The following KRABD3 variants were observed in gnomAD, a reference collection of about 807,000 sequenced individuals.
KRABD3 encodes KRAB domain containing 3.
chr7:149,722,797 A>G, the KRABD3 span: 1 of 1,606,578 alleles, frequency 6.2e-7, no homozygotes, highest in Non-Finnish European at 8.5e-7. Flanking sequence ...TTCTCCTGGG[A>G]ACAGCCCCTT....
At chr7:149,715,160 C>G in the KRABD3 span, 1 of 1,228,346 alleles carries the variant, frequency 8.1e-7, no homozygotes, top group Non-Finnish European at 1.0e-6. Context: ...ACTTCGGGAT[C>G]GGCTGGGTGA....
the KRABD3 span, chr7:149,733,414 G>A: frequency 1.2e-4 from 192 of 1,602,092 alleles, no homozygotes; most frequent in Middle Eastern, 1.6e-4. Flanking sequence ...TCGCCACAGC[G>A]CTGGCAGGCC....
the KRABD3 span, among the ~76,000 whole-genome samples, chr7:149,732,334 A>T: frequency 1.8e-4 from 28 of 152,174 alleles, no homozygotes; most frequent in Non-Finnish European, 3.5e-4. This position sits in a 1 kb window ranked among gnomAD's most constrained non-coding sequence, Gnocchi z 4.0. Context: ...TGGGGTCTCC[A>T]GGCCGAGATC....
At chr7:149,733,959 C>A in the KRABD3 span, 7 of 1,603,654 alleles carry the variant, frequency 4.4e-6, no homozygotes, top group Non-Finnish European at 6.0e-6. Flanking sequence ...CCCAAGGAGC[C>A]GAGCAGCCTG....
chr7:149,720,473 G>A, the KRABD3 span, among the ~76,000 whole-genome samples: 95 of 152,344 alleles, frequency 6.2e-4, no homozygotes, highest in African/African-American at 1.6e-3. Flanking sequence ...GTGCTCCACC[G>A]GCCCAGACTG....
the KRABD3 span, chr7:149,715,254 A>G: frequency 7.8e-5 from 95 of 1,218,648 alleles, no homozygotes; most frequent in Non-Finnish European, 9.3e-5. Context: ...CGCCGCCGGT[A>G]CCCACGGCCC....
At chr7:149,730,304 G>T in the KRABD3 span, 2 of 1,549,354 alleles carry the variant, frequency 1.3e-6, no homozygotes, top group African/African-American at 2.7e-5. Flanking sequence ...GAGAAGACCC[G>T]AGGCCAGAGC....
the KRABD3 span, chr7:149,734,161 T>C: frequency 7.3e-7 from 1 of 1,371,350 alleles, no homozygotes; most frequent in Non-Finnish European, 9.8e-7. Context: ...TCTCCCTTAC[T>C]GTTGCTGGGA....
At chr7:149,730,271 C>T in the KRABD3 span, 9 of 1,553,516 alleles carry the variant, frequency 5.8e-6, no homozygotes, top group Non-Finnish European at 7.8e-6. Flanking sequence ...CCGGCTCCAG[C>T]TCGAGCTTCA....
At chr7:149,726,144 C>G in the KRABD3 span, 1 of 1,260,988 alleles carries the variant, frequency 7.9e-7, no homozygotes, top group Non-Finnish European at 1.1e-6. Flanking sequence ...TTGACTGGGT[C>G]AGACCCCCAT....
chr7:149,721,237 A>C, the KRABD3 span: 1 of 1,126,540 alleles, frequency 8.9e-7, no homozygotes, highest in African/African-American at 1.6e-5. Context: ...CCATGGCCCC[A>C]TTCAGAGCCC....
At chr7:149,728,909 C>T in the KRABD3 span, among the ~76,000 whole-genome samples, 1 of 152,236 alleles carries the variant, frequency 6.6e-6, no homozygotes, top group Non-Finnish European at 1.5e-5. Context: ...GAGCTGGCTC[C>T]TTGTGGCTGG....
At chr7:149,715,181 G>A in the KRABD3 span, 3 of 1,224,872 alleles carry the variant, frequency 2.4e-6, no homozygotes, top group Non-Finnish European at 3.1e-6. Flanking sequence ...GGCTGGGCAG[G>A]CCTGATGCTC....
the KRABD3 span, chr7:149,722,903 G>A: frequency 6.2e-7 from 1 of 1,613,254 alleles, no homozygotes; most frequent in African/African-American, 1.3e-5. Context: ...CCTAGCCTGG[G>A]CACGTCCAGG....
At chr7:149,721,671 C>T in the KRABD3 span, 28 of 987,210 alleles carry the variant, frequency 2.8e-5, no homozygotes, top group Non-Finnish European at 3.9e-5. Flanking sequence ...CTTTTGTTAA[C>T]AAAGTACGCC....
At chr7:149,731,694 G>A in the KRABD3 span, 49 of 1,611,224 alleles carry the variant, frequency 3.0e-5, no homozygotes, top group East Asian at 4.5e-4. Flanking sequence ...ATCCCTGCCC[G>A]GTTTCTCAGC....
the KRABD3 span, chr7:149,724,836 C>T: frequency 6.3e-7 from 1 of 1,583,980 alleles, no homozygotes; most frequent in Non-Finnish European, 8.6e-7. Flanking sequence ...CCAGCTGGGG[C>T]CCTGAGGCTC....
the KRABD3 span, among the ~76,000 whole-genome samples, chr7:149,718,800 C>T: frequency 1.3e-5 from 2 of 152,068 alleles, no homozygotes; most frequent in Non-Finnish European, 2.9e-5. Flanking sequence ...CAGGCGTGAG[C>T]CACCACACCC....
chr7:149,721,482 C>G, the KRABD3 span: 15 of 1,613,030 alleles, frequency 9.3e-6, no homozygotes, highest in Non-Finnish European at 1.3e-5. Context: ...ACCGACAGCT[C>G]GTGTTCCAGT....
Sources: gnomAD v4.1 joint callset for allele counts (sites outside exome capture counted in the v4.1 genomes callset) on GRCh38, gnomAD v4.1.1 for gene constraint, Gnocchi (gnomAD v3.1) non-coding constraint, MANE v1.5 for transcripts, NCBI Gene and HGNC (gene_info 2026-07-23, HGNC 2026-07-21) for gene names.